Variants in C2orf49 observed in about 807,000 individuals in gnomAD.
C2orf49 encodes tRNA-splicing ligase complex subunit ASW.
A neutral mutation model predicts 20.6 loss-of-function variants in C2orf49; 11 were observed. The observed-to-expected ratio is 0.53, with a 90% CI of 0.34 to 0.88. The LOEUF is 0.88. C2orf49 is among the 40% of genes least tolerant of loss of function. C2orf49 has a pLI of 0.02. For missense variants in C2orf49, 289 were observed against 274.2 expected (o/e 1.05, Z -0.38); for synonymous variants, 134 against 108.5 (o/e 1.24, Z -1.46).
chr2:105,357,813 T>A, the C2orf49 span: 1 of 152,210 alleles, frequency 6.6e-6, no homozygotes, highest in Admixed American at 6.5e-5. Context: ...ACCTTCCTTT[T>A]TTAAATATGA....
chr2:105,339,790 A>G, intron 2 of C2orf49, 41 bp downstream of exon 2: 2 of 1,483,564 alleles, frequency 1.3e-6, no homozygotes, highest in Admixed American at 2.5e-5. Flanking sequence ...ATCTTATATA[A>G]CTAAAGTTAT....
At chr2:105,345,183 T>C in intron 3 of C2orf49, 132 bp from the exon 4 acceptor site, 1 of 744,632 alleles carries the variant, frequency 1.3e-6, no homozygotes, top group Admixed American at 3.0e-5. Flanking sequence ...TCTTTAAATA[T>C]ATTCCCACCA....
At chr2:105,383,345 A>C in the C2orf49 span, among the ~76,000 whole-genome samples, 4 of 152,246 alleles carry the variant, frequency 2.6e-5, no homozygotes, top group African/African-American at 7.2e-5. Flanking sequence ...AAATTGTATT[A>C]GCATTGTCTA....
chr2:105,385,697 T>C, the C2orf49 span, among the ~76,000 whole-genome samples: 1 of 152,182 alleles, frequency 6.6e-6, no homozygotes, highest in Admixed American at 6.5e-5. Flanking sequence ...CCTTCAGCAA[T>C]CCAGGTTGGA....
chr2:105,352,452 G>GTTTTTTTTTTTTTTTTTTTTTTTCTTT, downstream of C2orf49, among the ~76,000 whole-genome samples: 1 of 68,054 alleles, frequency 1.5e-5, no homozygotes. Context: ...TTTTTTTTTC[G>GTTTTTTTTTTTTTTTTTTTTTTTCTTT]TTTTTTTTTT....
the C2orf49 span, chr2:105,362,928 C>T: frequency 4.4e-6 from 1 of 226,974 alleles, no homozygotes; most frequent in East Asian, 1.2e-4. Flanking sequence ...CTAGGGGACA[C>T]TTCTAAGAAC....
chr2:105,385,250 C>T, the C2orf49 span, among the ~76,000 whole-genome samples: 1 of 152,204 alleles, frequency 6.6e-6, no homozygotes, highest in Non-Finnish European at 1.5e-5. Context: ...CATCCCTCAA[C>T]TGTCACTAAA....
the C2orf49 span, among the ~76,000 whole-genome samples, chr2:105,369,358 A>G: frequency 6.6e-6 from 1 of 152,194 alleles, no homozygotes; most frequent in Non-Finnish European, 1.5e-5. Flanking sequence ...AGCTGGCTAG[A>G]AAGTTGGTCA....
the C2orf49 span, among the ~76,000 whole-genome samples, chr2:105,377,068 T>A: frequency 3.3e-5 from 5 of 152,236 alleles, no homozygotes; most frequent in East Asian, 9.6e-4. Context: ...TGCCTGAGGT[T>A]GCAATTTTTT....
the C2orf49 span, among the ~76,000 whole-genome samples, chr2:105,365,570 G>T: frequency 1.1e-4 from 16 of 151,800 alleles, 2 homozygotes; most frequent in Middle Eastern, 6.4e-3. Context: ...CAGGGAAGAG[G>T]GTTCCTAAAA....
At chr2:105,363,044 T>A in the C2orf49 span, 144 of 490,872 alleles carry the variant, frequency 2.9e-4, 1 homozygote, top group South Asian at 2.2e-3. Context: ...AAGCAGAAAC[T>A]AAACTGGAGC....
the C2orf49 span, chr2:105,378,245 G>A: frequency 1.0e-4 from 48 of 464,398 alleles, 2 homozygotes; most frequent in South Asian, 7.4e-4. Context: ...CTGATTCATT[G>A]ACACGTGACA....
chr2:105,365,981 G>A, the C2orf49 span, among the ~76,000 whole-genome samples: 1 of 152,030 alleles, frequency 6.6e-6, no homozygotes, highest in African/African-American at 2.4e-5. Context: ...GAGGCAGGTC[G>A]ATCACCTGAG....
the C2orf49 span, among the ~76,000 whole-genome samples, chr2:105,380,315 A>T: frequency 6.6e-6 from 1 of 151,926 alleles, no homozygotes; most frequent in East Asian, 1.9e-4. Context: ...TTCCTATCAC[A>T]CTCTGAATCT....
Position 105,343,127 on chromosome 2 carries a change from T to G in C2orf49, c.546T>G (p.Ser182Arg). 6.2e-7 allele frequency: 1 copy of G among 1,614,210 alleles called. No homozygotes were observed. Among genetic ancestry groups the G allele is most frequent in the Non-Finnish European group, 8.5e-7 (1 of 1,180,046 alleles). Residue 182 changes from serine to arginine, a missense_variant, in exon 3 of 4, where the codon AGT becomes AGG. Coordinates refer to ENST00000258457, the MANE Select transcript of C2orf49 (RefSeq NM_024093.3). ...KQNHDLTHRK[S>R]PSGPVKSPPL... ...ACCATGACTTAACGCATAGGAAAAG[T>G]CCTTCAGGCCCTGTGAAGTCGCCAC...
At chr2:105,367,774 A>G in the C2orf49 span, 1 of 1,600,766 alleles carries the variant, frequency 6.2e-7, no homozygotes, top group Non-Finnish European at 8.5e-7. Context: ...CAGCAGAGTT[A>G]TGGTTAGAGG....
downstream of C2orf49, among the ~76,000 whole-genome samples, chr2:105,349,785 C>T (rs756320714): frequency 4.2e-4 from 64 of 152,272 alleles, 2 homozygotes; most frequent in Non-Finnish European, 2.1e-4. Flanking sequence ...TAGGAAAGGC[C>T]TCTGAAGATA....
the C2orf49 span, among the ~76,000 whole-genome samples, chr2:105,369,126 T>C: frequency 6.6e-6 from 1 of 152,212 alleles, no homozygotes; most frequent in Admixed American, 6.5e-5. Context: ...AGGAAAAATG[T>C]TGCCAATCCC....
chr2:105,348,872 T>A lies in C2orf49; in HGVS notation c.*3501T>A, dbSNP rs1310904695. The A allele has an allele frequency of 6.6e-6, 1 of 152,184 alleles. No homozygotes were observed. Among genetic ancestry groups the A allele is most frequent in the East Asian group, 1.9e-4 (1 of 5,198 alleles). The allele number at this position is 152,184 out of a possible 1,614,324, so 9.4% of individuals were successfully genotyped here. A position where few individuals can be genotyped will look rare whatever the true frequency, so the allele number is the denominator to read the frequency against. Reference sequence around the variant, plus strand: ...GGAAAGTATTCTTTATAGTACAACTTTCTATACCTGGATTGATTAAGATCA... The same window carrying A: ...GGAAAGTATTCTTTATAGTACAACTATCTATACCTGGATTGATTAAGATCA... On this transcript the variant is annotated 3_prime_UTR_variant, in exon 4 of 4. Coordinates refer to ENST00000258457, the MANE Select transcript of C2orf49 (RefSeq NM_024093.3).
Sources: allele counts gnomAD v4.1 joint callset (sites outside exome capture counted in the v4.1 genomes callset), GRCh38; gene constraint gnomAD v4.1.1; transcripts MANE v1.5; gene names NCBI Gene and HGNC (gene_info 2026-07-23, HGNC 2026-07-21).